Variants in USP46 observed in about 807,000 individuals in gnomAD.
USP46 encodes ubiquitin carboxyl-terminal hydrolase 46.
USP46 carries 12 observed loss-of-function variants against 44.4 expected under a neutral mutation model. The observed-to-expected ratio is 0.27, with a 90% CI of 0.17 to 0.44. The LOEUF is 0.44. Ranked by LOEUF, USP46 falls within the 20% of genes least tolerant of loss-of-function variation. USP46 has a pLI of 1.00. For synonymous variants in USP46, 155 were observed against 161.5 expected (o/e 0.96, Z 0.31); for missense variants, 248 against 444.8 (o/e 0.56, Z 3.98).
At chr4:52,645,240 A>G (rs927676510) in intron 1 of USP46, among the ~76,000 whole-genome samples, 5 of 151,604 alleles carry the variant, frequency 3.3e-5, no homozygotes, top group East Asian at 3.9e-4. Context: ...AAAAAAAAAA[A>G]AAAGAAAACC....
At chr4:52,631,896 C>T (rs1446353208) in intron 1 of USP46, among the ~76,000 whole-genome samples, 4 of 152,044 alleles carry the variant, frequency 2.6e-5, no homozygotes, top group Non-Finnish European at 5.9e-5. Context: ...ATCCCAGCTA[C>T]TCGGGAGGCT....
intron 7 of USP46, 141 bp from the exon 8 acceptor site, chr4:52,598,847 C>G: frequency 4.2e-6 from 3 of 720,264 alleles, no homozygotes; most frequent in Non-Finnish European, 6.9e-6. Context: ...TAGCTCATGT[C>G]TATGTTTACA....
Position 52,628,024 on chromosome 4 carries a change from C to T in USP46, c.257G>A (p.Ser86Asn). The T allele has an allele frequency of 6.2e-7, 1 of 1,613,888 alleles. No individual in the cohort carries two copies. Among genetic ancestry groups the T allele is most frequent in the Non-Finnish European group, 8.5e-7 (1 of 1,179,844 alleles). Residue 86 changes from serine to asparagine, a missense_variant, in exon 3 of 9, where the codon AGC (serine) becomes AAC (asparagine). By Grantham distance (46) the Ser-to-Asn change is conservative. Around this residue, in one of 5 missense-constraint regions of USP46, gnomAD observed 54 missense variants for 135.0 expected, o/e 0.40. Coordinates refer to ENST00000441222, the MANE Select transcript of USP46 (RefSeq NM_022832.4). ...AACCTTCTTCTTCTGTGTGGCAATGCTGTGGAAAAGGTCCGCCAGGCACGT... is the reference window on the plus strand; with the variant it reads ...AACCTTCTTCTTCTGTGTGGCAATGTTGTGGAAAAGGTCCGCCAGGCACGT... ...LLTCLADLFHSIATQKKKVGV... is the reference protein window; with the variant it reads ...LLTCLADLFHNIATQKKKVGV...
chr4:52,658,151 A>T (rs1463595267), intron 1 of USP46: 1 of 453,248 alleles, frequency 2.2e-6, no homozygotes, highest in Non-Finnish European at 4.4e-6. Context: ...TAAAGAATGT[A>T]GGCAAAACAC....
chr4:52,648,558 G>C (rs551737910), intron 1 of USP46, among the ~76,000 whole-genome samples: 14 of 152,162 alleles, frequency 9.2e-5, no homozygotes, highest in Non-Finnish European at 2.1e-4. Flanking sequence ...ACTGACATTT[G>C]AGTATCACTG....
At chr4:52,652,278 AC>A (rs1718797009) in intron 1 of USP46, among the ~76,000 whole-genome samples, 1 of 152,176 alleles carries the variant, frequency 6.6e-6, no homozygotes, top group African/African-American at 2.4e-5. Context: ...GAACCCCCAA[AC>A]GCTGCTTGGT....
chr4:52,625,887 T>G, intron 4 of USP46, 131 bp downstream of exon 4: 1 of 936,634 alleles, frequency 1.1e-6, no homozygotes, highest in Non-Finnish European at 1.6e-6. Context: ...GAGTTTCATA[T>G]GCATAAATAG....
At position 52,622,634 on chromosome 4, in the gene USP46, G is replaced by A. The variant is rs73815963; in HGVS notation, c.561+3384C>T. Among the ~76,000 whole-genome samples, 1,405 of 152,174 alleles carry A rather than the reference G, an allele frequency of 9.2e-3. 17 individuals carry two copies. Among genetic ancestry groups the A allele is most frequent in the African/African-American group, 0.032 (1,333 of 41,502 alleles). On this transcript the variant is annotated intron_variant, in intron 4 of 8. Coordinates refer to ENST00000441222, the MANE Select transcript of USP46 (RefSeq NM_022832.4). ...AGTAAGAAAGATAGATGCTGCATAC[G>A]AAATACATATAGATAAATATATAAA...
intron 2 of USP46, 80 bp downstream of exon 2, chr4:52,630,984 G>A: frequency 8.6e-7 from 1 of 1,161,638 alleles, no homozygotes; most frequent in Admixed American, 2.2e-5. Context: ...AAAATTGGTA[G>A]TGATAAAAAT....
At chr4:52,634,326 T>C (rs762850047) in intron 1 of USP46, among the ~76,000 whole-genome samples, 7 of 148,938 alleles carry the variant, frequency 4.7e-5, no homozygotes, top group Non-Finnish European at 8.9e-5. Flanking sequence ...CTGGCCAACA[T>C]GGTAAAACCC....
Position 52,631,108 on chromosome 4 carries a change from G to A in USP46, c.73C>T (p.Pro25Ser). 1 of 1,567,536 alleles carries A rather than the reference G, an allele frequency of 6.4e-7. No individual in the cohort carries two copies. The highest frequency in any genetic ancestry group is 1.3e-5 in the African/African-American group (1 of 74,292). Residue 25 changes from proline to serine, a missense_variant, in exon 2 of 9, where the codon CCA (proline) becomes TCA (serine). Pro to Ser is a moderately conservative substitution (Grantham distance 74). Around this residue, in one of 5 missense-constraint regions of USP46, gnomAD observed 31 missense variants for 32.5 expected, o/e 0.96. Coordinates refer to ENST00000441222, the MANE Select transcript of USP46 (RefSeq NM_022832.4). ...NASALEKDIG[P>S]EQFPINEHYF... ...TGTTCATTGATTGGAAACTGCTCTGGACCAATGTCTTTTTCCAGAGCAGAG... is the reference window on the plus strand; with the variant it reads ...TGTTCATTGATTGGAAACTGCTCTGAACCAATGTCTTTTTCCAGAGCAGAG...
rs116019861 is a variant in USP46 at position 52,600,457 on chromosome 4, A to T, written c.920+1400T>A. Among the ~76,000 whole-genome samples the T allele has an allele frequency of 5.0e-3, 760 of 152,168 alleles. 8 individuals carry two copies. Among genetic ancestry groups the T allele is most frequent in the African/African-American group, 0.018 (735 of 41,522 alleles). ...TACTTCTGTGGGGAGGAGTTTGAAG[A>T]ATCCTAGTTAGTGGCATGCATGACT... On this transcript the variant is annotated intron_variant, in intron 7 of 8. Coordinates refer to ENST00000441222, the MANE Select transcript of USP46 (RefSeq NM_022832.4).
At chr4:52,657,169 TG>T (rs1050739569) in intron 1 of USP46, among the ~76,000 whole-genome samples, 17 of 152,068 alleles carry the variant, frequency 1.1e-4, no homozygotes, top group Admixed American at 3.9e-4. Flanking sequence ...AATGAATTAC[TG>T]GTTCCTCACT....
chr4:52,658,995 T>G, intron 1 of USP46, 120 bp downstream of exon 1: 2 of 1,270,330 alleles, frequency 1.6e-6, no homozygotes, highest in Non-Finnish European at 2.1e-6. Context: ...CGGGAACTTC[T>G]GGCGGCGCGG....
chr4:52,658,379 T>C, intron 1 of USP46: 1 of 418,216 alleles, frequency 2.4e-6, no homozygotes, highest in South Asian at 1.7e-5. Flanking sequence ...TCCCTGGCTG[T>C]ATCCATGCCC....
intron 1 of USP46, chr4:52,658,067 C>T (rs759750377): frequency 2.7e-6 from 1 of 368,612 alleles, no homozygotes; most frequent in East Asian, 7.6e-5. Context: ...TTTCCTCAAA[C>T]TGGCACTGTA....
intron 4 of USP46, among the ~76,000 whole-genome samples, chr4:52,621,381 C>A (rs376302758): frequency 1.3e-5 from 2 of 152,282 alleles, no homozygotes; most frequent in Admixed American, 6.5e-5. Context: ...TGTTACTGCA[C>A]ACTGTGGCTC....
In USP46 at chr4:52,654,399, T is replaced by C. The variant is rs187150838; in HGVS notation, c.36+4716A>G. 3.8e-4 allele frequency among the ~76,000 whole-genome samples: 58 copies of C among 152,358 alleles called. 1 individual carries two copies. In the East Asian group the frequency reaches 0.01, roughly 27 times the overall value. On this transcript the variant is annotated intron_variant, in intron 1 of 8. Transcript: ENST00000441222. ...ATATTTTTTAATAATTAAAAAGTTG[T>C]TTCCAACCATTCTCAAAATACTTGC...
intron 1 of USP46, among the ~76,000 whole-genome samples, chr4:52,645,846 G>T (rs985772418): frequency 1.3e-5 from 2 of 152,116 alleles, no homozygotes. Flanking sequence ...TCCCCTCGCT[G>T]TTCTCATGAT....
Sources: gnomAD v4.1 joint callset for allele counts (sites outside exome capture counted in the v4.1 genomes callset) on GRCh38, gnomAD v4.1.1 for gene constraint, gnomAD v4.1.1 regional missense constraint, MANE v1.5 for transcripts, NCBI Gene and HGNC (gene_info 2026-07-23, HGNC 2026-07-21) for gene names.